The following EPB41L5 variants were observed in gnomAD, a reference collection of about 807,000 sequenced individuals.
The protein encoded by EPB41L5 is band 4.1-like protein 5.
EPB41L5 carries 55 observed loss-of-function variants against 106.6 expected under a neutral mutation model. The ratio of observed to expected loss-of-function variants is 0.52; its 90% CI spans 0.42 to 0.65. The LOEUF (loss-of-function observed/expected upper bound fraction) is 0.65. Among genes scored for constraint, EPB41L5 ranks in the 30% least tolerant of loss-of-function variants. The pLI, the probability that EPB41L5 is intolerant of heterozygous loss-of-function variation, is 0.00. For missense variants in EPB41L5, 871 were observed against 882.1 expected (o/e 0.99, Z 0.16); for synonymous variants, 297 against 306.7 (o/e 0.97, Z 0.33).
rs540014315 is a variant in EPB41L5 at position 120,135,723 on chromosome 2, A to G, written c.1599+4008A>G. On this transcript the variant is annotated intron_variant, in intron 18 of 24. Transcript: ENST00000263713. Reference sequence around the variant, plus strand: ...TATTTAAAGTGAAGTAAAAATTTTTATCCTAAAATAGTATATCCATGTTTG... The same window carrying G: ...TATTTAAAGTGAAGTAAAAATTTTTGTCCTAAAATAGTATATCCATGTTTG... Among the ~76,000 whole-genome samples, 20 of 152,254 alleles carry G rather than the reference A, an allele frequency of 1.3e-4. No homozygotes were observed. The South Asian group carries it at 3.9e-3, about 30-fold the overall frequency.
intron 3 of EPB41L5, among the ~76,000 whole-genome samples, chr2:120,063,602 C>T (rs140262131): frequency 3.9e-4 from 59 of 152,034 alleles, no homozygotes; most frequent in Non-Finnish European, 7.1e-4. Flanking sequence ...ATGCGATTTA[C>T]CTGTATAACA....
At chr2:120,085,836 G>A (rs1031839265) in intron 10 of EPB41L5, among the ~76,000 whole-genome samples, 6 of 152,112 alleles carry the variant, frequency 3.9e-5, no homozygotes, top group Non-Finnish European at 5.9e-5. Context: ...AATGCTTTAG[G>A]CAGAGAGATA....
intron 16 of EPB41L5, chr2:120,104,136 G>T (rs566896054): frequency 2.0e-6 from 3 of 1,535,848 alleles, no homozygotes; most frequent in African/African-American, 1.4e-5. Context: ...ACCCCAGACC[G>T]CACATAGAAA....
In EPB41L5 at chr2:120,074,342, A is replaced by C; in HGVS notation, c.407+164A>C. The C allele has an allele frequency of 8.8e-6, 5 of 569,360 alleles. No homozygotes were observed. In the South Asian group the frequency reaches 1.4e-4, roughly 16 times the overall value. The allele number at this position is 569,360 out of a possible 1,614,324, so 35.3% of individuals were successfully genotyped here. ...ATTCTGGGACGTGTTTTTTAAGTGT[A>C]TGATTCTTTTCCTTTAGCATTTTCA... On this transcript the variant is annotated intron_variant, in intron 5 of 24. Coordinates refer to ENST00000263713, the MANE Select transcript of EPB41L5 (RefSeq NM_020909.4).
At chr2:120,152,792 A>G (rs937165154) in intron 20 of EPB41L5, among the ~76,000 whole-genome samples, 2 of 152,190 alleles carry the variant, frequency 1.3e-5, no homozygotes, top group African/African-American at 4.8e-5. Flanking sequence ...TTGTAAGTCT[A>G]TTCAGATTTT....
At chr2:120,168,043 A>C (rs1687494426) in intron 24 of EPB41L5, 36 bp downstream of exon 24, 2 of 1,608,128 alleles carry the variant, frequency 1.2e-6, no homozygotes, top group Non-Finnish European at 1.7e-6. Context: ...GTTCTTAGGC[A>C]TCTGTTAGGA....
intron 16 of EPB41L5, chr2:120,103,967 A>C: frequency 7.2e-7 from 1 of 1,387,522 alleles, no homozygotes; most frequent in Non-Finnish European, 9.4e-7. Context: ...CATGCTAGTC[A>C]CATTACCTTT....
chr2:120,073,008 G>C (rs1445917476), intron 3 of EPB41L5, among the ~76,000 whole-genome samples, 170 bp from the exon 4 acceptor site: 1 of 151,670 alleles, frequency 6.6e-6, no homozygotes, highest in Non-Finnish European at 1.5e-5. Flanking sequence ...GTGGATATTG[G>C]CTAGATACTC....
chr2:120,040,536 A>G (rs574573685), intron 2 of EPB41L5, among the ~76,000 whole-genome samples: 1 of 152,228 alleles, frequency 6.6e-6, no homozygotes, highest in East Asian at 1.9e-4. Flanking sequence ...GATAAGCCAT[A>G]CAAAAGCCAC....
Position 120,053,965 on chromosome 2 carries a change from G to A in EPB41L5, c.285+11855G>A, listed in dbSNP as rs539677699. Among the ~76,000 whole-genome samples, 4 of 152,266 alleles carry A rather than the reference G, an allele frequency of 2.6e-5. No individual in the cohort carries two copies. In the East Asian group the frequency reaches 5.8e-4, roughly 22 times the overall value. On this transcript the variant is annotated intron_variant, in intron 3 of 24. Coordinates refer to ENST00000263713, the MANE Select transcript of EPB41L5 (RefSeq NM_020909.4). ...AGTTCCAGCTACTTGGGAGGCTCAG[G>A]TAGGAGGATTGCTTGTGCCAAACTT...
chr2:120,022,537 A>G (rs1165141245), intron 2 of EPB41L5, among the ~76,000 whole-genome samples: 1 of 152,172 alleles, frequency 6.6e-6, no homozygotes, highest in East Asian at 1.9e-4. Context: ...GCTGCATAGT[A>G]TTCCATGGGG....
intron 16 of EPB41L5, among the ~76,000 whole-genome samples, chr2:120,115,905 G>T (rs553827199): frequency 1.3e-5 from 2 of 152,168 alleles, no homozygotes; most frequent in East Asian, 3.9e-4. Context: ...TGCCTCCGAG[G>T]TTCAGGCGAT....
intron 3 of EPB41L5, among the ~76,000 whole-genome samples, chr2:120,055,481 A>ATTTTTT (rs34856540): frequency 3.0e-4 from 26 of 85,572 alleles, no homozygotes; most frequent in East Asian, 1.1e-3. Flanking sequence ...TAGGTTTTTA[A>ATTTTTT]TTTTTTTTTT....
chr2:120,086,133 G>A (rs888587735), intron 10 of EPB41L5, among the ~76,000 whole-genome samples: 1 of 152,230 alleles, frequency 6.6e-6, no homozygotes, highest in East Asian at 1.9e-4. Flanking sequence ...CCTGGGAGGT[G>A]GAGGTTGTAG....
At chr2:120,021,552 A>G (rs1267312151) in intron 2 of EPB41L5, among the ~76,000 whole-genome samples, 1 of 151,998 alleles carries the variant, frequency 6.6e-6, no homozygotes, top group Non-Finnish European at 1.5e-5. Context: ...GAGGCAGGAG[A>G]ATCGCTTGAA....
chr2:120,141,651 G>A (rs1303373134), intron 18 of EPB41L5, among the ~76,000 whole-genome samples: 1 of 152,108 alleles, frequency 6.6e-6, no homozygotes, highest in Non-Finnish European at 1.5e-5. Context: ...TAGAAAAGTG[G>A]CAGTTTGAGA....
chr2:120,104,478 G>A, intron 16 of EPB41L5: 2 of 1,182,412 alleles, frequency 1.7e-6, no homozygotes, highest in Non-Finnish European at 2.1e-6. Context: ...GTATACCATT[G>A]TGGTTTTGGA....
At position 120,113,553 on chromosome 2, in the gene EPB41L5, T is replaced by C. The variant is rs533352813; in HGVS notation, c.1337+12739T>C. On this transcript the variant is annotated intron_variant, in intron 16 of 24. Transcript: ENST00000263713. ...GTAACTACGTTTAAAAAAATTTAAG[T>C]GTATAATTCAGTGGGTTTAGTTTAT... 5.6e-4 allele frequency among the ~76,000 whole-genome samples: 85 copies of C among 152,308 alleles called. No homozygotes were observed. In the Middle Eastern group the frequency reaches 0.014, roughly 24 times the overall value.
intron 3 of EPB41L5, among the ~76,000 whole-genome samples, chr2:120,047,580 C>G (rs1312837722): frequency 1.3e-5 from 2 of 152,020 alleles, no homozygotes; most frequent in East Asian, 3.9e-4. Context: ...ATGGGGTTTT[C>G]TAAATATACA....
Sources: allele counts gnomAD v4.1 joint callset (sites outside exome capture counted in the v4.1 genomes callset), GRCh38; gene constraint gnomAD v4.1.1; transcripts MANE v1.5; gene names NCBI Gene and HGNC (gene_info 2026-07-23, HGNC 2026-07-21).